The following TMCO1 variants were observed in gnomAD, a reference collection of about 807,000 sequenced individuals.
TMCO1 encodes transmembrane and coiled-coil domains 1.
In TMCO1, 29 loss-of-function variants were observed where a neutral mutation model predicts 29.3. That is an observed-to-expected ratio of 0.99 (90% CI 0.74 to 1.35). The LOEUF is 1.35. TMCO1 is among the 40% of genes most tolerant of loss of function. The pLI is 0.00. For synonymous variants in TMCO1, 80 were observed against 77.1 expected, an observed-to-expected ratio of 1.04 and a Z score of -0.20; for missense variants, 173 against 225.5, an observed-to-expected ratio of 0.77 and a Z score of 1.49.
chr1:165,734,580 T>C (rs538752964), intron 6 of TMCO1, among the ~76,000 whole-genome samples: 1 of 152,312 alleles, frequency 6.6e-6, no homozygotes, highest in South Asian at 2.1e-4. Flanking sequence ...CTCAGCTCAC[T>C]GCAACCTCCA....
rs1650919837 is a variant in TMCO1 at position 165,726,980 on chromosome 1, C to A, written c.*1043G>T. ...ACCTTGAAAATTATGTGTTTTTTCTCACTGGTAGAATACTCACATTTAAGT... is the reference window on the plus strand; with the variant it reads ...ACCTTGAAAATTATGTGTTTTTTCTAACTGGTAGAATACTCACATTTAAGT... On this transcript the variant is annotated 3_prime_UTR_variant, in exon 7 of 7. Coordinates refer to ENST00000367881, the MANE Select transcript of TMCO1 (RefSeq NM_019026.6). The A allele has an allele frequency of 2.2e-6, 1 of 453,808 alleles. No homozygotes were observed. The highest frequency in any genetic ancestry group is 1.6e-5 in the South Asian group (1 of 64,446). 28.1% of individuals were successfully genotyped at this position (453,808 alleles called of 1,614,324 possible). A position where few individuals can be genotyped will look rare whatever the true frequency, so the allele number is the denominator to read the frequency against.
chr1:165,731,251 C>T (rs545611567), intron 6 of TMCO1, among the ~76,000 whole-genome samples: 1 of 152,150 alleles, frequency 6.6e-6, no homozygotes, highest in Non-Finnish European at 1.5e-5. Context: ...CTAAAAAACC[C>T]ATTACACAAA....
rs370356320 is a variant in TMCO1 at position 165,752,572 on chromosome 1, T to C, written c.256-403A>G. Among the ~76,000 whole-genome samples, 158 of 151,490 alleles carry C rather than the reference T, an allele frequency of 1.0e-3. 1 individual carries two copies. Among genetic ancestry groups the C allele is most frequent in the African/African-American group, 3.7e-3 (153 of 41,310 alleles). On this transcript the variant is annotated intron_variant, in intron 4 of 6. Transcript: ENST00000367881. ...GCCCAGCCTCACGTCATTTTTTTTT[T>C]AAATCTCCGTAGCAGTTCAAGACCA...
At chr1:165,752,027 CA>C in intron 5 of TMCO1, 74 bp downstream of exon 5, 1 of 1,219,584 alleles carries the variant, frequency 8.2e-7, no homozygotes, top group Non-Finnish European at 1.2e-6. Flanking sequence ...ATATTTTACC[CA>C]AAAAGTTCAT....
chr1:165,741,189 CCT>C (rs1286983535), intron 6 of TMCO1, among the ~76,000 whole-genome samples: 1 of 152,174 alleles, frequency 6.6e-6, no homozygotes. Context: ...ACCTGAAAGT[CCT>C]CTTAGTTTTT....
intron 2 of TMCO1, among the ~76,000 whole-genome samples, chr1:165,764,338 C>T (rs1438427915): frequency 1.3e-5 from 2 of 152,164 alleles, no homozygotes; most frequent in Non-Finnish European, 1.5e-5. Flanking sequence ...CCTTTGTCCT[C>T]ATAGCAATTA....
At chr1:165,743,084 T>C in intron 6 of TMCO1, 83 bp downstream of exon 6, 1 of 1,522,202 alleles carries the variant, frequency 6.6e-7, no homozygotes, top group Non-Finnish European at 9.1e-7. Context: ...TGGGTAAACA[T>C]TTCTAGTATT....
chr1:165,754,945 G>A (rs1245966893), intron 3 of TMCO1: 1 of 152,468 alleles, frequency 6.6e-6, no homozygotes, highest in Non-Finnish European at 1.5e-5. Flanking sequence ...AGTGGGCCAT[G>A]AACGCGTCAC....
intron 3 of TMCO1, among the ~76,000 whole-genome samples, chr1:165,755,956 CA>C (rs1335998780): frequency 6.6e-6 from 1 of 150,682 alleles, no homozygotes; most frequent in East Asian, 2.0e-4. Context: ...GAAAATAAAT[CA>C]ATTAACTATG....
Position 165,727,647 on chromosome 1 carries a change from A to T in TMCO1, c.*376T>A. On this transcript the variant is annotated 3_prime_UTR_variant, in exon 7 of 7. Coordinates refer to ENST00000367881, the MANE Select transcript of TMCO1 (RefSeq NM_019026.6). ...AACAGTTACAAGGGTTAAACAAACT[A>T]AATTTTTCTTCTAAATCTCTAAATG... 2.2e-6 allele frequency: 1 copy of T among 454,150 alleles called. No homozygotes were observed. The highest frequency in any genetic ancestry group is 4.4e-6 in the Non-Finnish European group (1 of 226,850). 28.1% of individuals were successfully genotyped at this position (454,150 alleles called of 1,614,324 possible). A position where few individuals can be genotyped will look rare whatever the true frequency, so the allele number is the denominator to read the frequency against.
At chr1:165,735,509 TA>T (rs1651336947) in intron 6 of TMCO1, among the ~76,000 whole-genome samples, 1 of 116,076 alleles carries the variant, frequency 8.6e-6, no homozygotes, top group South Asian at 3.3e-4. Flanking sequence ...AATCTCTGCT[TA>T]ATTTTTTTTT....
chr1:165,750,686 G>C (rs998352826), intron 5 of TMCO1, among the ~76,000 whole-genome samples: 1 of 152,008 alleles, frequency 6.6e-6, no homozygotes, highest in Non-Finnish European at 1.5e-5. Context: ...AAAAATTATA[G>C]CAGGTTACAA....
intron 5 of TMCO1, among the ~76,000 whole-genome samples, chr1:165,743,563 T>G (rs957097503): frequency 6.6e-6 from 1 of 152,174 alleles, no homozygotes; most frequent in Admixed American, 6.5e-5. Context: ...CTTTATATAC[T>G]GACAAATTAT....
At chr1:165,759,445 A>G in intron 3 of TMCO1, 80 bp downstream of exon 3, 1 of 1,012,330 alleles carries the variant, frequency 9.9e-7, no homozygotes, top group Non-Finnish European at 1.5e-6. Flanking sequence ...ATCACTATTA[A>G]TAATTTTATA....
chr1:165,729,601 T>G (rs1167755856), intron 6 of TMCO1, among the ~76,000 whole-genome samples: 1 of 152,186 alleles, frequency 6.6e-6, no homozygotes, highest in African/African-American at 2.4e-5. Context: ...ATTACAGGCA[T>G]GAGCCACTGC....
intron 5 of TMCO1, among the ~76,000 whole-genome samples, chr1:165,749,294 A>AT (rs11409239): frequency 0.89 from 135,878 of 152,064 alleles, 60,820 homozygotes; most frequent in East Asian, 0.99. Context: ...TCCATATATG[A>AT]TTTTTTCCCC....
intron 2 of TMCO1, among the ~76,000 whole-genome samples, chr1:165,766,334 TAAG>T (rs1652566715): frequency 6.6e-6 from 1 of 152,164 alleles, no homozygotes; most frequent in African/African-American, 2.4e-5. Context: ...AATCTTGTAT[TAAG>T]AAGAGAGGGC....
Position 165,746,453 on chromosome 1 carries a change from TCACACACA to T in TMCO1, c.324-3150_324-3143del, listed in dbSNP as rs59467463. 3.4e-3 allele frequency among the ~76,000 whole-genome samples: 444 copies of T among 132,420 alleles called. 1 individual carries two copies. The highest frequency in any genetic ancestry group is 5.5e-3 in the Admixed American group (67 of 12,118). The allele number at this position is 132,420 out of a possible 152,430, so 86.9% of individuals were successfully genotyped here. ...ACTTCTATAGCTTGGAAGACCTATA[TCACACACA>T]CACACACACACACACACACACACAC... On this transcript the variant is annotated intron_variant, in intron 5 of 6. Coordinates refer to ENST00000367881, the MANE Select transcript of TMCO1 (RefSeq NM_019026.6).
At chr1:165,735,279 G>T (rs560775157) in intron 6 of TMCO1, among the ~76,000 whole-genome samples, 1 of 152,282 alleles carries the variant, frequency 6.6e-6, no homozygotes, top group South Asian at 2.1e-4. Context: ...AGTGCAGAAA[G>T]ACAAAATGTT....
Sources: gnomAD v4.1 joint callset for allele counts (sites outside exome capture counted in the v4.1 genomes callset) on GRCh38, gnomAD v4.1.1 for gene constraint, MANE v1.5 for transcripts, NCBI Gene and HGNC (gene_info 2026-07-23, HGNC 2026-07-21) for gene names.